TRIM8: variants seen among roughly 807,000 people sequenced by gnomAD.
The protein encoded by TRIM8 is tripartite motif containing 8.
A neutral mutation model predicts 55.7 loss-of-function variants in TRIM8; 9 were observed. That is an observed-to-expected ratio of 0.16 (90% confidence interval 0.10 to 0.28). The LOEUF (loss-of-function observed/expected upper bound fraction) is 0.28. TRIM8 is among the 10% of genes least tolerant of loss of function. TRIM8 has a pLI of 1.00. For synonymous variants in TRIM8, 335 were observed against 333.3 expected, an observed-to-expected ratio of 1.01 and a Z score of -0.06; for missense variants, 556 against 736.4, an observed-to-expected ratio of 0.76 and a Z score of 2.83.
At chr10:102,651,804 C>A (rs1189687962) in intron 1 of TRIM8, among the ~76,000 whole-genome samples, 2 of 152,234 alleles carry the variant, frequency 1.3e-5, no homozygotes, top group Non-Finnish European at 2.9e-5. Context: ...TCCTGGCCAC[C>A]TCGCCATCGT....
chr10:102,654,782 G>T, intron 2 of TRIM8, 34 bp downstream of exon 2: 1 of 1,534,768 alleles, frequency 6.5e-7, no homozygotes, highest in Non-Finnish European at 9.0e-7. Flanking sequence ...GCGGGGTGGG[G>T]GTGGCTTGAG....
In TRIM8 at chr10:102,656,478, T is replaced by G; in HGVS notation, c.1048+93T>G. The G allele has an allele frequency of 1.3e-6, 2 of 1,515,332 alleles. No homozygotes were observed. Among genetic ancestry groups the G allele is most frequent in the Non-Finnish European group, 1.8e-6 (2 of 1,126,444 alleles). 93.9% of individuals were successfully genotyped at this position (1,515,332 alleles called of 1,614,324 possible). A position where few individuals can be genotyped will look rare whatever the true frequency, so the allele number is the denominator to read the frequency against. ...CCCTCCAAGAGGCAGTGTGGCCCAG[T>G]CTGGGAGACCTGTCCTCATATCCAG... is the stretch of plus-strand genomic sequence containing the variant. On this transcript the variant is annotated intron_variant, in intron 5 of 5. Transcript: ENST00000643721. This position sits in a 1 kb window ranked among gnomAD's most constrained non-coding sequence, Gnocchi z 4.6.
intron 1 of TRIM8, among the ~76,000 whole-genome samples, chr10:102,652,834 G>A (rs562278749): frequency 1.4e-5 from 2 of 147,674 alleles, no homozygotes; most frequent in East Asian, 2.0e-4. Flanking sequence ...ACAGACTTTC[G>A]CTCTTGTTGC....
intron 1 of TRIM8, chr10:102,649,425 C>T (rs888751956): frequency 1.3e-5 from 2 of 152,390 alleles, no homozygotes; most frequent in Non-Finnish European, 2.9e-5. Flanking sequence ...AAGGGTCCTG[C>T]GCTGTTGTGT....
chr10:102,644,980 G>T lies in TRIM8; in HGVS notation c.363G>T (p.Thr121=). 1 of 1,598,318 alleles carries T rather than the reference G, an allele frequency of 6.3e-7. No homozygotes were observed. The highest frequency in any genetic ancestry group is 2.3e-5 in the East Asian group (1 of 44,332). Residue 121 remains threonine, a synonymous_variant, in exon 1 of 6, where the codon ACG becomes ACT. Transcript: ENST00000643721. The part of the protein sequence containing the change: ...EAPCCQSHVQ[T]HLQQPSTARG... ...CCTGCTGCCAGTCCCACGTGCAGAC[G>T]CACCTGCAGCAGCCCTCCACCGCCC...
intron 1 of TRIM8, among the ~76,000 whole-genome samples, chr10:102,649,745 C>T (rs2063965408): frequency 6.6e-6 from 1 of 152,248 alleles, no homozygotes; most frequent in Admixed American, 6.5e-5. Flanking sequence ...CCCCTTCCCT[C>T]TGCAGCTTGT....
intron 1 of TRIM8, among the ~76,000 whole-genome samples, chr10:102,647,717 G>A (rs968804719): frequency 6.6e-6 from 1 of 152,066 alleles, no homozygotes; most frequent in Non-Finnish European, 1.5e-5. Flanking sequence ...AGGATACAGG[G>A]GCAGAAGCAC....
intron 1 of TRIM8, among the ~76,000 whole-genome samples, chr10:102,652,176 G>A (rs986329970): frequency 6.6e-6 from 1 of 152,192 alleles, no homozygotes; most frequent in Admixed American, 6.5e-5. Flanking sequence ...CTTATAAGGT[G>A]AAAGCCTCAC....
At position 102,654,778 on chromosome 10, in the gene TRIM8, TG is replaced by T. The variant is rs779579278; in HGVS notation, c.666+35del. 9 of 1,561,482 alleles carry T rather than the reference TG, an allele frequency of 5.8e-6. No homozygotes were observed. In the South Asian group the frequency reaches 1.0e-4, roughly 17 times the overall value. ...CTAAGCCCAAGGCCATGCTGCGGGG[TG>T]GGGGTGGCTTGAGCGCAGGGCTTTG... On this transcript the variant is annotated intron_variant, in intron 2 of 5. Transcript: ENST00000643721.
At chr10:102,645,545 C>G (rs1157032491) in intron 1 of TRIM8, 2 of 204,782 alleles carry the variant, frequency 9.8e-6, no homozygotes, top group Non-Finnish European at 1.9e-5. Context: ...GCAGTGACCC[C>G]GGTCCTGCCT....
intron 2 of TRIM8, 72 bp downstream of exon 2, chr10:102,654,820 A>T: frequency 8.4e-7 from 1 of 1,190,938 alleles, no homozygotes. Flanking sequence ...GTTCCTTACT[A>T]AGGATTGATT....
chr10:102,651,148 C>T (rs2063981848), intron 1 of TRIM8, among the ~76,000 whole-genome samples: 1 of 152,186 alleles, frequency 6.6e-6, no homozygotes, highest in African/African-American at 2.4e-5. Flanking sequence ...GAGACAGGAG[C>T]CCAGTGGCCT....
chr10:102,648,346 T>C (rs1209378317), intron 1 of TRIM8, among the ~76,000 whole-genome samples: 1 of 152,172 alleles, frequency 6.6e-6, no homozygotes, highest in Non-Finnish European at 1.5e-5. Flanking sequence ...TGCAGGTATG[T>C]GGTGCGTATG....
At chr10:102,655,467 C>T (rs918854001) in intron 3 of TRIM8, among the ~76,000 whole-genome samples, 154 bp downstream of exon 3, 3 of 152,194 alleles carry the variant, frequency 2.0e-5, no homozygotes, top group Admixed American at 2.0e-4. Context: ...AGCACTGTGA[C>T]CTTGGGCAAG....
intron 3 of TRIM8, among the ~76,000 whole-genome samples, chr10:102,655,721 C>T (rs955723277): frequency 3.9e-5 from 6 of 152,138 alleles, no homozygotes; most frequent in Non-Finnish European, 8.8e-5. Flanking sequence ...ATTGTTGTGT[C>T]TTGCTGGGGA....
At position 102,644,653 on chromosome 10, in the gene TRIM8, G is replaced by T; in HGVS notation, c.36G>T (p.Glu12Asp). The T allele has an allele frequency of 6.2e-7, 1 of 1,613,272 alleles. No individual in the cohort carries two copies. Among genetic ancestry groups the T allele is most frequent in the Non-Finnish European group, 8.5e-7 (1 of 1,179,876 alleles). The change falls in exon 1 of 6, where the codon GAG (glutamate) becomes GAT (aspartate). Residue 12 changes from glutamate (E) to aspartate (D), a missense_variant. By Grantham distance (45) the Glu-to-Asp change is conservative. Coordinates refer to ENST00000643721, the MANE Select transcript of TRIM8 (RefSeq NM_030912.3). ...AENWKNCFEE[E>D]LICPICLHVF... ...ATTGGAAGAACTGCTTCGAGGAGGAGCTCATCTGCCCTATCTGCCTGCACG... is the reference window on the plus strand; with the variant it reads ...ATTGGAAGAACTGCTTCGAGGAGGATCTCATCTGCCCTATCTGCCTGCACG...
chr10:102,647,247 T>C (rs888314909), intron 1 of TRIM8, among the ~76,000 whole-genome samples: 2 of 152,128 alleles, frequency 1.3e-5, no homozygotes, highest in African/African-American at 4.8e-5. Flanking sequence ...TGTGCGTGTG[T>C]GTGCGTGCGC....
Position 102,654,681 on chromosome 10 carries a change from TGGAGGA to T in TRIM8, c.601_606del (p.Glu201_Glu202del). 1 of 1,614,082 alleles carries T rather than the reference TGGAGGA, an allele frequency of 6.2e-7. No homozygotes were observed. Among genetic ancestry groups the T allele is most frequent in the Non-Finnish European group, 8.5e-7 (1 of 1,179,976 alleles). On this transcript the variant is annotated inframe_deletion, in exon 2 of 6. Transcript: ENST00000643721. Reference sequence around the variant, plus strand: ...ATGCTCATGAAGCAGCAGGACCGGCTGGAGGAGCGAGAGCAGGACATTGAGGACCAG... The same window carrying T: ...ATGCTCATGAAGCAGCAGGACCGGCTGCGAGAGCAGGACATTGAGGACCAG...
rs78418271 is a variant in TRIM8 at position 102,656,020 on chromosome 10, G to C, written c.901-86G>C. On this transcript the variant is annotated intron_variant, in intron 3 of 5. Transcript: ENST00000643721. This position sits in a 1 kb window ranked among gnomAD's most constrained non-coding sequence, Gnocchi z 4.6. ...ATCCACCCAGCCTGGGGGAGGCTCA[G>C]GGGGGGCAGCTTTTGTCTTCCCCTC... 0.014 allele frequency: 21,860 copies of C among 1,596,238 alleles called. 190 individuals are homozygous for C. The highest frequency in any genetic ancestry group is 0.015 in the Non-Finnish European group (17,467 of 1,165,206).
Sources: allele counts gnomAD v4.1 joint callset (sites outside exome capture counted in the v4.1 genomes callset), GRCh38; gene constraint gnomAD v4.1.1; non-coding constraint Gnocchi (gnomAD v3.1); transcripts MANE v1.5; gene names NCBI Gene and HGNC (gene_info 2026-07-23, HGNC 2026-07-21).